MKI67: variants seen among roughly 807,000 people sequenced by gnomAD.
MKI67 encodes the protein proliferation marker protein Ki-67.
Under a neutral mutation model 233.5 loss-of-function variants are expected in MKI67, and 152 were observed. The observed-to-expected ratio is 0.65, with a 90% CI of 0.57 to 0.74. MKI67 has a LOEUF of 0.74. Ranked by LOEUF, MKI67 falls within the 30% of genes least tolerant of loss-of-function variation. The probability of loss-of-function intolerance (pLI) is 0.00; values close to 1 mark genes in which losing one functional copy is unlikely to be tolerated. For synonymous variants in MKI67, 1,465 were observed against 1,418.5 expected (o/e 1.03, Z -0.74); for missense variants, 3,940 against 3,885.2 (o/e 1.01, Z -0.37).
At position 128,101,360 on chromosome 10, in the gene MKI67, T is replaced by C. The variant is rs201971911; in HGVS notation, c.9603A>G (p.Arg3201=). 1.3e-4 allele frequency: 209 copies of C among 1,614,228 alleles called. 2 individuals carry two copies. The East Asian group carries it at 4.5e-3, about 34-fold the overall frequency. Reference sequence around the variant, plus strand: ...CAGGCTGGCTTTTTGTCTTTCTTGATCTCAGGCACATGGAGTCTGAATTTC... The same window carrying C: ...CAGGCTGGCTTTTTGTCTTTCTTGACCTCAGGCACATGGAGTCTGAATTTC... ...EAGNSDSMCL[R]SRKTKSQPAA... The change falls in exon 14 of 15, where the codon AGA becomes AGG. Residue 3201 remains arginine (R), a synonymous_variant. Coordinates refer to ENST00000368654, the MANE Select transcript of MKI67 (RefSeq NM_002417.5).
chr10:128,102,471 C>G, intron 13 of MKI67, 108 bp downstream of exon 13: 3 of 1,382,008 alleles, frequency 2.2e-6, no homozygotes, highest in Non-Finnish European at 3.0e-6. Context: ...AGGAAACCCT[C>G]TGGGGAAAGG....
Position 128,106,441 on chromosome 10 carries a change from C to A in MKI67, c.5399G>T (p.Gly1800Val). The A allele has an allele frequency of 6.2e-7, 1 of 1,612,892 alleles. No individual in the cohort carries two copies. The highest frequency in any genetic ancestry group is 2.2e-5 in the East Asian group (1 of 44,772). Reference sequence around the variant, plus strand: ...CTGGTCCAGTTTCTGCACTGGAGTTCCCAAAAACGTGTTGATGTCTTTCTC... The same window carrying A: ...CTGGTCCAGTTTCTGCACTGGAGTTACCAAAAACGTGTTGATGTCTTTCTC... ...GEEKDINTFL[G>V]TPVQKLDQPG... Residue 1800 changes from glycine (G) to valine (V), a missense_variant, in exon 13 of 15, where the codon GGA (glycine) becomes GTA (valine). Gly to Val is a moderately radical substitution (Grantham distance 109). Transcript: ENST00000368654.
rs1490904858 is a variant in MKI67, at chr10:128,102,979, T to C, written c.8861A>G (p.Lys2954Arg). The C allele has an allele frequency of 1.9e-6, 3 of 1,614,134 alleles. No individual in the cohort carries two copies. The African/African-American group carries it at 4.0e-5, about 22-fold the overall frequency. ...SAPKQTPDSG[K>R]PLKISRRVLR... is the part of the protein sequence containing the mutation. ...AACTCTTCTGGATATTTTTAGAGGT[T>C]TTCCACTGTCAGGTGTTTGCTTTGG... The change falls in exon 13 of 15, where the codon AAA becomes AGA. Residue 2954 changes from lysine (K) to arginine (R), a missense_variant. Transcript: ENST00000368654.
Position 128,119,203 on chromosome 10 carries a change from A to G in MKI67, c.354+50T>C, listed in dbSNP as rs1233740896. On this transcript the variant is annotated intron_variant, in intron 5 of 14. Coordinates refer to ENST00000368654, the MANE Select transcript of MKI67 (RefSeq NM_002417.5). ...GAAATCATTAAAGCATACATAAATG[A>G]TTTCATATCATCGAAACGAATCAGC... is the stretch of plus-strand genomic sequence containing the variant. 3.1e-6 allele frequency: 4 copies of G among 1,294,970 alleles called. No individual in the cohort carries two copies. The South Asian group carries it at 4.8e-5, about 16-fold the overall frequency. The allele number at this position is 1,294,970 out of a possible 1,614,324, so 80.2% of individuals were successfully genotyped here. A position where few individuals can be genotyped will look rare whatever the true frequency, so the allele number is the denominator to read the frequency against.
Position 128,125,557 on chromosome 10 carries a change from G to A in MKI67, c.92+19C>T, listed in dbSNP as rs778314516. 2.6e-5 allele frequency: 42 copies of A among 1,605,440 alleles called. No individual in the cohort carries two copies. The South Asian group carries it at 3.4e-4, about 13-fold the overall frequency. ...CCTCTTTCTCAGCTAAAACGTCCGC[G>A]CGCGCCCGCGGGGCTCACCTTCCAA... On this transcript the variant is annotated intron_variant, in intron 2 of 14. Coordinates refer to ENST00000368654, the MANE Select transcript of MKI67 (RefSeq NM_002417.5). This position sits in a 1 kb window ranked among gnomAD's most constrained non-coding sequence, Gnocchi z 5.3.
chr10:128,101,787 C>T, intron 13 of MKI67, 86 bp from the exon 14 acceptor site: 1 of 1,014,744 alleles, frequency 9.9e-7, no homozygotes, highest in Non-Finnish European at 1.4e-6. Flanking sequence ...TCAACAGTAA[C>T]CTAAAAGGAG....
chr10:128,114,907 T>A, intron 7 of MKI67, 21 bp downstream of exon 7: 4 of 1,523,824 alleles, frequency 2.6e-6, no homozygotes, highest in Non-Finnish European at 3.5e-6. Flanking sequence ...GAAAAATAAA[T>A]TTACAATTAA....
rs1168850336 is a variant in MKI67 at position 128,119,242 on chromosome 10, T to C, written c.354+11A>G. 12 of 1,588,870 alleles carry C rather than the reference T, an allele frequency of 7.6e-6. No individual in the cohort carries two copies. The highest frequency in any genetic ancestry group is 9.5e-6 in the Non-Finnish European group (11 of 1,158,218). On this transcript the variant is annotated intron_variant, in intron 5 of 14. Coordinates refer to ENST00000368654, the MANE Select transcript of MKI67 (RefSeq NM_002417.5). Reference sequence around the variant, plus strand: ...AAACGAATCAGCCCAAACTTGGATATTTTCTATCACCTGTTCACGTATTTT... The same window carrying C: ...AAACGAATCAGCCCAAACTTGGATACTTTCTATCACCTGTTCACGTATTTT...
chr10:128,106,243 G>C lies in MKI67; in HGVS notation c.5597C>G (p.Pro1866Arg). 6.2e-7 allele frequency: 1 copy of C among 1,613,522 alleles called. No homozygotes were observed. Among genetic ancestry groups the C allele is most frequent in the Non-Finnish European group, 8.5e-7 (1 of 1,179,890 alleles). ...KILCKSPQSD[P>R]ADTPTNTKQR... Reference sequence around the variant, plus strand: ...CTTTGTGTTTGTTGGGGTGTCCGCTGGGTCTGATTGCGGAGATTTGCAGAG... The same window carrying C: ...CTTTGTGTTTGTTGGGGTGTCCGCTCGGTCTGATTGCGGAGATTTGCAGAG... The change falls in exon 13 of 15, where the codon CCA becomes CGA. Residue 1866 changes from proline (P) to arginine (R), a missense_variant. Coordinates refer to ENST00000368654, the MANE Select transcript of MKI67 (RefSeq NM_002417.5).
rs1291572365 is a variant in MKI67 at position 128,107,948 on chromosome 10, T to C, written c.3892A>G (p.Thr1298Ala). The C allele has an allele frequency of 6.2e-7, 1 of 1,613,948 alleles. No homozygotes were observed. Among genetic ancestry groups the C allele is most frequent in the East Asian group, 2.2e-5 (1 of 44,848 alleles). Residue 1298 changes from threonine (T) to alanine (A), a missense_variant, in exon 13 of 15, where the codon ACG (threonine) becomes GCG (alanine). Transcript: ENST00000368654. The stretch of plus-strand genomic sequence containing the variant: ...TCTTCACCTACTGATGGTTTAGGCG[T>C]GTGCATGGCTTTGCCTGCTGATGGC... ...LMPSAGKAMH[T>A]PKPSVGEEKD...
chr10:128,121,158 A>C (rs1409643886), intron 4 of MKI67, among the ~76,000 whole-genome samples: 1 of 151,844 alleles, frequency 6.6e-6, no homozygotes, highest in Non-Finnish European at 1.5e-5. Flanking sequence ...ACATCATTCT[A>C]AGTTTGTACA....
In MKI67 at chr10:128,104,845, G is replaced by A. The variant is rs182397079; in HGVS notation, c.6995C>T (p.Thr2332Met). ...LFQTPGTDKP[T>M]TDEKTTKIAC... Reference sequence around the variant, plus strand: ...TATTTTGGTAGTTTTCTCATCAGTCGTGGGCTTGTCAGTGCCTGGTGTCTG... The same window carrying A: ...TATTTTGGTAGTTTTCTCATCAGTCATGGGCTTGTCAGTGCCTGGTGTCTG... Residue 2332 changes from threonine (T) to methionine (M), a missense_variant, in exon 13 of 15, where the codon ACG (threonine) becomes ATG (methionine). Thr to Met is a moderately conservative substitution (Grantham distance 81). Transcript: ENST00000368654. 1.8e-5 allele frequency: 29 copies of A among 1,613,216 alleles called. No homozygotes were observed. Among genetic ancestry groups the A allele is most frequent in the African/African-American group, 1.1e-4 (8 of 74,666 alleles).
In MKI67 at chr10:128,113,552, G is replaced by A. The variant is rs950065668; in HGVS notation, c.1531C>T (p.His511Tyr). 6.2e-7 allele frequency: 1 copy of A among 1,614,120 alleles called. No individual in the cohort carries two copies. The highest frequency in any genetic ancestry group is 8.5e-7 in the Non-Finnish European group (1 of 1,179,996). ...LKRRRVSFGG[H>Y]LRPELFDENL... ...TCATCAAATAGTTCAGGTCTTAGGT[G>A]CCCACCAAAGGACACACGCCTTCTT... The change falls in exon 8 of 15, where the codon CAC (histidine) becomes TAC (tyrosine). Residue 511 changes from histidine to tyrosine, a missense_variant. Transcript: ENST00000368654.
At position 128,105,155 on chromosome 10, in the gene MKI67, C is replaced by T; in HGVS notation, c.6685G>A (p.Val2229Met). 2.5e-6 allele frequency: 4 copies of T among 1,613,698 alleles called. No homozygotes were observed. The highest frequency in any genetic ancestry group is 3.4e-6 in the Non-Finnish European group (4 of 1,179,966). Residue 2229 changes from valine to methionine, a missense_variant, in exon 13 of 15, where the codon GTG (valine) becomes ATG (methionine). By Grantham distance (21) the Val-to-Met change is conservative. Transcript: ENST00000368654. ...IACRSPQPDP[V>M]GTPTIFKPQS... ...GGCTTGAAGATTGTTGGGGTACCCA[C>T]TGGGTCTGGTTGTGGAGATCTGCAG...
intron 7 of MKI67, among the ~76,000 whole-genome samples, chr10:128,113,932 TAA>T (rs72010564): frequency 0.21 from 31,890 of 151,970 alleles, 3,750 homozygotes; most frequent in Admixed American, 0.27. Flanking sequence ...GAGAACTCTC[TAA>T]AGACATGCAC....
rs1852526744 is a variant in MKI67 at position 128,107,283 on chromosome 10, GTCCACTT to G, written c.4550_4556del (p.Lys1517ThrfsTer2). The G allele has an allele frequency of 6.2e-7, 1 of 1,613,872 alleles. No individual in the cohort carries two copies. Among genetic ancestry groups the G allele is most frequent in the Non-Finnish European group, 8.5e-7 (1 of 1,179,996 alleles). On this transcript the variant is annotated frameshift_variant, in exon 13 of 15. Coordinates refer to ENST00000368654, the MANE Select transcript of MKI67 (RefSeq NM_002417.5). LOFTEE classifies it high-confidence loss of function. Reference sequence around the variant, plus strand: ...TGAGTGCGAAGAATTCTTCTTCTACGTCCACTTTCCTGAGACTTCTCTTGGACTGTGG... The same window carrying G: ...TGAGTGCGAAGAATTCTTCTTCTACGTCCTGAGACTTCTCTTGGACTGTGG...
At chr10:128,119,438 C>A in intron 4 of MKI67, 119 bp from the exon 5 acceptor site, 1 of 629,718 alleles carries the variant, frequency 1.6e-6, no homozygotes, top group South Asian at 1.9e-5. Flanking sequence ...TTCAAGACAT[C>A]ACCTTATACA....
chr10:128,123,211 T>G (rs1852988760), intron 2 of MKI67, 42 bp from the exon 3 acceptor site: 1 of 1,348,152 alleles, frequency 7.4e-7, no homozygotes, highest in African/African-American at 1.4e-5. Context: ...GCTGCAACTT[T>G]TTAAAAGATT....
intron 12 of MKI67, 23 bp downstream of exon 12, chr10:128,110,355 T>A (rs1018303990): frequency 6.5e-7 from 1 of 1,531,314 alleles, no homozygotes; most frequent in Admixed American, 1.8e-5. Context: ...AACATCACAG[T>A]GTTAGGAAAC....
Sources: allele counts gnomAD v4.1 joint callset (sites outside exome capture counted in the v4.1 genomes callset), GRCh38; gene constraint gnomAD v4.1.1; non-coding constraint Gnocchi (gnomAD v3.1); transcripts MANE v1.5; gene names NCBI Gene and HGNC (gene_info 2026-07-23, HGNC 2026-07-21).